The following CFAP92 variants were observed in gnomAD, a reference collection of about 807,000 sequenced individuals.
CFAP92 encodes uncharacterized protein CFAP92.
Under a neutral mutation model 106.3 loss-of-function variants are expected in CFAP92, and 86 were observed. That is an observed-to-expected ratio of 0.81 (90% confidence interval 0.68 to 0.97). CFAP92 has a LOEUF of 0.97. Among genes scored for constraint, CFAP92 ranks in the 50% least tolerant of loss-of-function variants. The pLI is 0.00. For synonymous variants in CFAP92, 477 were observed against 506.4 expected, an observed-to-expected ratio of 0.94 and a Z score of 0.78; for missense variants, 1,204 against 1,283.8, an observed-to-expected ratio of 0.94 and a Z score of 0.95.
chr3:128,915,255 CAGGG>C lies in CFAP92; in HGVS notation c.3140_3143del (p.Ser1047CysfsTer45). 1 of 1,536,196 alleles carries C rather than the reference CAGGG, an allele frequency of 6.5e-7. No individual in the cohort carries two copies. The highest frequency in any genetic ancestry group is 8.7e-7 in the Non-Finnish European group (1 of 1,146,926). On this transcript the variant is annotated frameshift_variant, in exon 15 of 16. Transcript: ENST00000645291. LOFTEE classifies it high-confidence loss of function. ...ACACAGGCTCCAGTACATTAGCAAA[CAGGG>C]AGTTTTCCTTCCACTCCTAAATTGG...
In CFAP92 at chr3:128,910,340, G is replaced by A. The variant is rs1376459508; in HGVS notation, c.3281-7C>T. ...TTCCCTTTCTTCTTCCTGACTGAGA[G>A]AAGAGGGGGTGAGTGACAGGGGTTC... On this transcript the variant is annotated splice_polypyrimidine_tract_variant and splice_region_variant and intron_variant, in intron 15 of 15. Coordinates refer to ENST00000645291, the MANE Select transcript of CFAP92 (RefSeq NM_001394090.1). The A allele has an allele frequency of 6.8e-7, 1 of 1,473,148 alleles. No individual in the cohort carries two copies. 91.3% of individuals were successfully genotyped at this position (1,473,148 alleles called of 1,614,324 possible).
intron 2 of CFAP92, chr3:128,991,609 G>C (rs1373226585): frequency 1.1e-5 from 2 of 186,904 alleles, no homozygotes; most frequent in East Asian, 3.6e-4. Context: ...GCCAGACTAG[G>C]ACACTTCCTG....
At chr3:128,956,806 T>C (rs1941462104) in intron 9 of CFAP92, among the ~76,000 whole-genome samples, 1 of 151,568 alleles carries the variant, frequency 6.6e-6, no homozygotes, top group South Asian at 2.1e-4. Context: ...ATGGTGAAAT[T>C]CTGTCTCTAC....
intron 12 of CFAP92, among the ~76,000 whole-genome samples, chr3:128,929,904 G>T (rs181395322): frequency 6.6e-6 from 1 of 152,062 alleles, no homozygotes; most frequent in African/African-American, 2.4e-5. Flanking sequence ...CTTACAATAG[G>T]TGAATTTTAT....
chr3:128,947,775 T>G (rs1940374275), intron 9 of CFAP92, among the ~76,000 whole-genome samples: 1 of 152,014 alleles, frequency 6.6e-6, no homozygotes, highest in Admixed American at 6.6e-5. Flanking sequence ...GGTTTGAGGT[T>G]TCAACGAGCT....
At chr3:128,972,805 A>G (rs1318071946) in intron 7 of CFAP92, among the ~76,000 whole-genome samples, 1 of 151,732 alleles carries the variant, frequency 6.6e-6, no homozygotes, top group Non-Finnish European at 1.5e-5. Context: ...CAGTGAGCCC[A>G]GATCGCGCCA....
In CFAP92 at chr3:128,945,688, C is replaced by T; in HGVS notation, c.1641G>A (p.Glu547=). Residue 547 remains glutamate, a synonymous_variant, in exon 10 of 16, where the codon GAG becomes GAA. Transcript: ENST00000645291. ...LNFQALISPR[E]TENNPFESQN... is the part of the protein sequence containing the mutation. The stretch of plus-strand genomic sequence containing the variant: ...GGGACTCAAAGGGGTTGTTCTCTGT[C>T]TCTCTGGGAGAGATGAGGGCCTGGA... The T allele has an allele frequency of 2.6e-6, 4 of 1,536,124 alleles. No individual in the cohort carries two copies. The highest frequency in any genetic ancestry group is 3.5e-6 in the Non-Finnish European group (4 of 1,146,920).
intron 12 of CFAP92, 65 bp from the exon 13 acceptor site, chr3:128,916,336 T>G (rs950517219): frequency 4.8e-6 from 5 of 1,051,142 alleles, no homozygotes; most frequent in Non-Finnish European, 6.1e-6. Context: ...CCAGCTCATA[T>G]GCAGTGAGAT....
At chr3:128,912,555 TCCTTGAGAAGCGAG>T in intron 15 of CFAP92, 1 of 1,614,096 alleles carries the variant, frequency 6.2e-7, no homozygotes, top group Non-Finnish European at 8.5e-7. Context: ...TCCCAGCAGA[TCCTTGAGAAGCGAG>T]CCTATATCTG....
At chr3:129,017,753 G>C in the CFAP92 span, among the ~76,000 whole-genome samples, 1 of 152,108 alleles carries the variant, frequency 6.6e-6, no homozygotes, top group Admixed American at 6.6e-5. Flanking sequence ...CCCGTCTTCT[G>C]GTCAGCTGTG....
At chr3:129,018,831 T>G in the CFAP92 span, among the ~76,000 whole-genome samples, 2 of 152,206 alleles carry the variant, frequency 1.3e-5, no homozygotes, top group South Asian at 4.1e-4. Context: ...ATTGGCGGCG[T>G]TGTGGCACAT....
chr3:128,928,357 T>C (rs1937940799), intron 12 of CFAP92, among the ~76,000 whole-genome samples: 1 of 152,206 alleles, frequency 6.6e-6, no homozygotes. Flanking sequence ...GGACCCAAAG[T>C]AGTCAAAGCA....
intron 8 of CFAP92, chr3:128,969,477 CAGG>C (rs1942620626): frequency 6.6e-6 from 1 of 151,970 alleles, no homozygotes; most frequent in South Asian, 2.1e-4. Context: ...GAGGTTGAAG[CAGG>C]AGAATTGCTT....
chr3:128,919,579 C>G (rs1247482143), intron 12 of CFAP92, among the ~76,000 whole-genome samples: 1 of 152,242 alleles, frequency 6.6e-6, no homozygotes, highest in Middle Eastern at 3.4e-3. Flanking sequence ...GGAGAACAAC[C>G]AAGGCAACCA....
intron 10 of CFAP92, among the ~76,000 whole-genome samples, chr3:128,938,590 T>C (rs1939302524): frequency 6.6e-6 from 1 of 150,954 alleles, no homozygotes; most frequent in African/African-American, 2.4e-5. Flanking sequence ...ACCTCCCGGG[T>C]TCATGCCATT....
chr3:129,004,005 A>T, upstream of CFAP92: 1 of 1,505,738 alleles, frequency 6.6e-7, no homozygotes, highest in South Asian at 1.2e-5. Context: ...CGAGAGCTGG[A>T]GGCGCTGGCG....
chr3:128,982,355 G>A (rs866349210), intron 4 of CFAP92, among the ~76,000 whole-genome samples: 1 of 152,132 alleles, frequency 6.6e-6, no homozygotes, highest in Non-Finnish European at 1.5e-5. Flanking sequence ...CTTTTGCAGC[G>A]TCCTCACCTC....
intron 8 of CFAP92, among the ~76,000 whole-genome samples, 165 bp from the exon 9 acceptor site, chr3:128,965,860 G>A (rs570502786): frequency 3.3e-5 from 5 of 152,032 alleles, no homozygotes; most frequent in Admixed American, 2.6e-4. Flanking sequence ...ACACCCACAG[G>A]CAGCATGACC....
At chr3:128,912,470 A>T (rs1195602716) in intron 15 of CFAP92, 2 of 1,580,312 alleles carry the variant, frequency 1.3e-6, no homozygotes, top group Non-Finnish European at 8.7e-7. Context: ...ATCACGGTGC[A>T]GAAAGATCAC....
Sources: gnomAD v4.1 joint callset for allele counts (sites outside exome capture counted in the v4.1 genomes callset) on GRCh38, gnomAD v4.1.1 for gene constraint, MANE v1.5 for transcripts, NCBI Gene and HGNC (gene_info 2026-07-23, HGNC 2026-07-21) for gene names.